Variants in MYOF observed in about 807,000 individuals in gnomAD.
MYOF encodes fer-1-like 3, myoferlin.
Under a neutral mutation model 284.2 loss-of-function variants are expected in MYOF, and 244 were observed. The ratio of observed to expected loss-of-function variants is 0.86; its 90% CI spans 0.77 to 0.95. MYOF has a LOEUF of 0.95. MYOF is among the 40% of genes least tolerant of loss of function. MYOF has a pLI of 0.00. For synonymous variants in MYOF, 904 were observed against 919.7 expected (o/e 0.98, Z 0.31); for missense variants, 2,496 against 2,560.6 (o/e 0.97, Z 0.54).
intron 48 of MYOF, among the ~76,000 whole-genome samples, chr10:93,320,542 C>T (rs2133756957): frequency 6.6e-6 from 1 of 152,202 alleles, no homozygotes; most frequent in Admixed American, 6.5e-5. Flanking sequence ...ATGATACCGG[C>T]AAGGAAGATG....
chr10:93,475,740 C>T (rs2134402523), intron 1 of MYOF, among the ~76,000 whole-genome samples: 1 of 152,336 alleles, frequency 6.6e-6, no homozygotes, highest in South Asian at 2.1e-4. Context: ...AGGAGAAACA[C>T]ACCCGTGATT....
At chr10:93,396,707 T>A (rs77963952) in intron 15 of MYOF, among the ~76,000 whole-genome samples, 3,194 of 152,322 alleles carry the variant, frequency 0.021, 40 homozygotes, top group South Asian at 0.049. Context: ...ATTTGTCATG[T>A]TTCCACTGTC....
At position 93,336,030 on chromosome 10, in the gene MYOF, A is replaced by G; in HGVS notation, c.4454T>C (p.Leu1485Pro). ...GCCCTCAAATTCTGCTACATTTTCT[A>G]GTTCACAATTATATATCTGAAAACC... is the stretch of plus-strand genomic sequence containing the variant. ...YSKLKIYNCE[L>P]ENVAEFEGLT... Residue 1485 changes from leucine (L) to proline (P), a missense_variant, in exon 41 of 54, where the codon CTA (leucine) becomes CCA (proline). Leu to Pro is a moderately conservative substitution (Grantham distance 98). Coordinates refer to ENST00000359263, the MANE Select transcript of MYOF (RefSeq NM_013451.4). The G allele has an allele frequency of 6.2e-7, 1 of 1,613,958 alleles. No individual in the cohort carries two copies. Among genetic ancestry groups the G allele is most frequent in the Non-Finnish European group, 8.5e-7 (1 of 1,179,952 alleles).
chr10:93,409,681 A>C lies in MYOF; in HGVS notation c.492T>G (p.Pro164=). The change falls in exon 6 of 54, where the codon CCT becomes CCG. Residue 164 remains proline, a synonymous_variant. Transcript: ENST00000359263. The stretch of plus-strand genomic sequence containing the variant: ...CCGTCCCAACTGGCCCCTTGGGCCC[A>C]GGGCCCCTGACTGCATTGTCCAACC... ...EDRLDNAVRG[P]GPKGPVGTVS... is the part of the protein sequence containing the mutation. The C allele has an allele frequency of 1.2e-6, 2 of 1,614,168 alleles. No homozygotes were observed. The highest frequency in any genetic ancestry group is 1.7e-6 in the Non-Finnish European group (2 of 1,179,998).
chr10:93,351,632 C>T, intron 33 of MYOF, 33 bp downstream of exon 33: 1 of 1,595,438 alleles, frequency 6.3e-7, no homozygotes, highest in Non-Finnish European at 8.5e-7. Flanking sequence ...CTCCATCATC[C>T]CCAAGTTATC....
chr10:93,333,117 AAC>A, intron 43 of MYOF, 102 bp downstream of exon 43: 4 of 962,218 alleles, frequency 4.2e-6, no homozygotes, highest in East Asian at 4.9e-5. Context: ...CTAGTTCACA[AAC>A]ACAGTTTCAG....
intron 5 of MYOF, 97 bp downstream of exon 5, chr10:93,425,974 G>A (rs956168972): frequency 7.8e-7 from 1 of 1,281,018 alleles, no homozygotes; most frequent in African/African-American, 1.5e-5. Context: ...GGAGCTACAG[G>A]CTTGTGATCA....
At chr10:93,389,768 G>A (rs560474634) in intron 17 of MYOF, among the ~76,000 whole-genome samples, 36 of 152,200 alleles carry the variant, frequency 2.4e-4, no homozygotes, top group African/African-American at 7.7e-4. Flanking sequence ...CCTGGTCTTA[G>A]CAAGACAACT....
intron 17 of MYOF, 87 bp downstream of exon 17, chr10:93,392,830 A>T: frequency 7.7e-7 from 1 of 1,292,486 alleles, no homozygotes; most frequent in East Asian, 2.3e-5. Flanking sequence ...AATGTCAAAA[A>T]AAAGTTCTAA....
intron 4 of MYOF, among the ~76,000 whole-genome samples, chr10:93,427,175 C>A (rs1305696198): frequency 1.3e-5 from 2 of 150,038 alleles, no homozygotes; most frequent in Non-Finnish European, 3.0e-5. Context: ...AATGAGCCAC[C>A]GTGCCCGGGG....
chr10:93,356,821 C>T lies in MYOF; in HGVS notation c.3148G>A (p.Gly1050Ser). 6.2e-7 allele frequency: 1 copy of T among 1,613,422 alleles called. No individual in the cohort carries two copies. The highest frequency in any genetic ancestry group is 8.5e-7 in the Non-Finnish European group (1 of 1,179,864). Reference sequence around the variant, plus strand: ...CCAATTAGAGAAGCATATTCCCAGCCCTCTTGGTCTTGCAATTCCTCCATG... The same window carrying T: ...CCAATTAGAGAAGCATATTCCCAGCTCTCTTGGTCTTGCAATTCCTCCATG... ...RAMEELQDQE[G>S]WEYASLIGWK... Residue 1050 changes from glycine to serine, a missense_variant, in exon 30 of 54, where the codon GGC becomes AGC. Physicochemically the swap from Gly to Ser is moderately conservative, Grantham distance 56 (BLOSUM62 0). Transcript: ENST00000359263.
intron 1 of MYOF, among the ~76,000 whole-genome samples, chr10:93,469,524 A>G (rs759894164): frequency 2.4e-4 from 37 of 152,226 alleles, no homozygotes; most frequent in Non-Finnish European, 4.3e-4. Context: ...ACAAGAGGGA[A>G]TTTGGGGCCC....
intron 14 of MYOF, 21 bp downstream of exon 14, chr10:93,397,367 A>G (rs1161846079): frequency 2.5e-6 from 4 of 1,604,174 alleles, no homozygotes; most frequent in Non-Finnish European, 3.4e-6. Flanking sequence ...TTACTTTTTC[A>G]GAAAGAAAAT....
At chr10:93,417,791 C>T (rs1189027581) in intron 5 of MYOF, among the ~76,000 whole-genome samples, 3 of 152,100 alleles carry the variant, frequency 2.0e-5, no homozygotes, top group Non-Finnish European at 2.9e-5. Context: ...GCTGGTCACC[C>T]TGGCTGGACT....
chr10:93,473,716 A>G (rs1184021228), intron 1 of MYOF, among the ~76,000 whole-genome samples: 2 of 152,178 alleles, frequency 1.3e-5, no homozygotes, highest in Admixed American at 6.5e-5. Context: ...TGAAGTGGGT[A>G]TCTGCTCCTT....
At chr10:93,396,116 T>C (rs1481915852) in intron 16 of MYOF, 26 bp downstream of exon 16, 1 of 1,552,120 alleles carries the variant, frequency 6.4e-7, no homozygotes, top group Non-Finnish European at 8.8e-7. Flanking sequence ...TATCCAGTCT[T>C]GTTCTAGATC....
intron 43 of MYOF, among the ~76,000 whole-genome samples, chr10:93,332,372 A>G (rs1350049088): frequency 6.6e-6 from 1 of 151,754 alleles, no homozygotes; most frequent in Non-Finnish European, 1.5e-5. Flanking sequence ...ACAGGTACAC[A>G]CCACCATGCC....
chr10:93,393,068 A>C, intron 16 of MYOF, 113 bp from the exon 17 acceptor site: 1 of 919,192 alleles, frequency 1.1e-6, no homozygotes, highest in Non-Finnish European at 1.8e-6. Context: ...AACACCAGAA[A>C]AATCCCAAAT....
Position 93,363,960 on chromosome 10 carries a change from C to A in MYOF, c.2868+1G>T. On this transcript the variant is annotated splice_donor_variant, in intron 27 of 53. Transcript: ENST00000359263. LOFTEE classifies it high-confidence loss of function. ...GTTTCTCTCCGGAGCAGGCCACTCA[C>A]CGCATCCGTGTAGGTGTCCTCGGCC... The A allele has an allele frequency of 1.2e-6, 2 of 1,613,860 alleles. No individual in the cohort carries two copies. The highest frequency in any genetic ancestry group is 1.7e-6 in the Non-Finnish European group (2 of 1,179,816).
Sources: allele counts gnomAD v4.1 joint callset (sites outside exome capture counted in the v4.1 genomes callset), GRCh38; gene constraint gnomAD v4.1.1; transcripts MANE v1.5; gene names NCBI Gene and HGNC (gene_info 2026-07-23, HGNC 2026-07-21).